The following CROCC variants were observed in gnomAD, a reference collection of about 807,000 sequenced individuals.
CROCC encodes the protein rootletin.
CROCC carries 180 observed loss-of-function variants against 245.2 expected under a neutral mutation model. The observed-to-expected ratio is 0.73, with a 90% CI of 0.65 to 0.83. The LOEUF is 0.83. Among genes scored for constraint, CROCC ranks in the 40% least tolerant of loss-of-function variants. The pLI is 0.00. For missense variants in CROCC, 2,688 were observed against 2,779.4 expected, an observed-to-expected ratio of 0.97 and a Z score of 0.74; for synonymous variants, 1,205 against 1,241.6, an observed-to-expected ratio of 0.97 and a Z score of 0.62.
intron 8 of CROCC, 26 bp from the exon 9 acceptor site, chr1:16,936,611 T>A (rs1257391882): frequency 1.9e-6 from 3 of 1,553,538 alleles, no homozygotes; most frequent in Non-Finnish European, 1.7e-6. Context: ...GCCCCATCCA[T>A]CCCCAGCCTG....
At chr1:16,950,454 G>C (rs1222927182) in intron 19 of CROCC, among the ~76,000 whole-genome samples, 2 of 147,072 alleles carry the variant, frequency 1.4e-5, no homozygotes, top group African/African-American at 5.1e-5. Flanking sequence ...TGCCTCTTGG[G>C]TTCAAGCGAT....
intron 13 of CROCC, among the ~76,000 whole-genome samples, chr1:16,942,857 G>A (rs1466768413): frequency 1.3e-5 from 2 of 152,294 alleles, no homozygotes; most frequent in African/African-American, 4.8e-5. Flanking sequence ...TGTAATCCCA[G>A]TATTTTGGGA....
rs746740470 is a variant in CROCC, at chr1:16,924,421, C to T, written c.293C>T (p.Ala98Val). 2.5e-6 allele frequency: 4 copies of T among 1,613,338 alleles called. No homozygotes were observed. In the East Asian group the frequency reaches 8.9e-5, roughly 36 times the overall value. ...CTGTCCCGCGTGGAGGACCTGCTGG[C>T]CCAGAGCCGTGCCGAGCGCGATGAG... Reference protein sequence around the residue: ...QELSRVEDLLAQSRAERDELA... With the variant: ...QELSRVEDLLVQSRAERDELA... Residue 98 changes from alanine to valine, a missense_variant, in exon 3 of 37, where the codon GCC (alanine) becomes GTC (valine). Physicochemically the swap from Ala to Val is moderately conservative, Grantham distance 64. This residue lies in a region of CROCC where 972 missense variants were observed against 895.3 expected (regional missense o/e 1.09). Coordinates refer to ENST00000375541, the MANE Select transcript of CROCC (RefSeq NM_014675.5).
At chr1:16,917,503 G>T (rs1284485037), upstream of CROCC, among the ~76,000 whole-genome samples, 1 of 151,486 alleles carries the variant, frequency 6.6e-6, no homozygotes, top group Non-Finnish European at 1.5e-5. Context: ...TGGTAGTGGG[G>T]AGGGAAGGGT....
At chr1:16,918,300 C>CTTTTTTTTTTTT (rs201445636), upstream of CROCC, among the ~76,000 whole-genome samples, 4 of 123,866 alleles carry the variant, frequency 3.2e-5, 1 homozygote, top group Non-Finnish European at 3.4e-5. Context: ...GGAATTCAGT[C>CTTTTTTTTTTTT]TTTTTTTTTT....
chr1:16,923,231 A>G (rs566445361), intron 2 of CROCC, among the ~76,000 whole-genome samples: 35 of 152,368 alleles, frequency 2.3e-4, no homozygotes, highest in Non-Finnish European at 4.9e-4. Context: ...TGCTCCTCTC[A>G]GTGGGTGGCG....
intron 8 of CROCC, among the ~76,000 whole-genome samples, chr1:16,931,955 C>T (rs1252523373): frequency 4.0e-5 from 6 of 151,246 alleles, no homozygotes; most frequent in Non-Finnish European, 7.4e-5. Context: ...TTAGTAGAGA[C>T]GGGGTTTCAC....
intron 17 of CROCC, 74 bp downstream of exon 17, chr1:16,947,065 G>C: frequency 7.4e-7 from 1 of 1,346,712 alleles, no homozygotes; most frequent in Non-Finnish European, 1.0e-6. Flanking sequence ...CCTGCATCCA[G>C]TCCTGGGTTA....
chr1:16,935,598 G>C (rs746717921), intron 8 of CROCC, among the ~76,000 whole-genome samples: 1 of 152,260 alleles, frequency 6.6e-6, no homozygotes, highest in Non-Finnish European at 1.5e-5. Flanking sequence ...TTTTGTTTTT[G>C]TATTCTTAAT....
intron 24 of CROCC, 77 bp downstream of exon 24, chr1:16,955,627 C>G: frequency 7.9e-7 from 1 of 1,265,542 alleles, no homozygotes; most frequent in Non-Finnish European, 1.1e-6. Context: ...CCCCAACGTT[C>G]TGGGGAAATT....
intron 26 of CROCC, among the ~76,000 whole-genome samples, chr1:16,959,875 T>C (rs959293244): frequency 6.6e-6 from 1 of 151,800 alleles, no homozygotes; most frequent in Non-Finnish European, 1.5e-5. Flanking sequence ...CCCCGTGTGG[T>C]ATGCCTCCCC....
chr1:16,947,781 G>A (rs577973020), intron 17 of CROCC, among the ~76,000 whole-genome samples: 20 of 152,330 alleles, frequency 1.3e-4, no homozygotes, highest in African/African-American at 4.6e-4. Context: ...CAAGGGTTCT[G>A]TTACTCCCAG....
chr1:16,931,593 G>A (rs1290181489), intron 8 of CROCC, among the ~76,000 whole-genome samples, 196 bp downstream of exon 8: 1 of 152,274 alleles, frequency 6.6e-6, no homozygotes, highest in Non-Finnish European at 1.5e-5. Context: ...TCTGGGCTAG[G>A]CTCATTGTAT....
upstream of CROCC, among the ~76,000 whole-genome samples, chr1:16,918,696 G>T (rs1373084211): frequency 2.6e-5 from 4 of 151,912 alleles, no homozygotes; most frequent in Non-Finnish European, 5.9e-5. Flanking sequence ...CGTCCCTGGG[G>T]TTTGTAGTGG....
intron 36 of CROCC, 49 bp from the exon 37 acceptor site, chr1:16,972,311 G>A: frequency 6.7e-7 from 1 of 1,496,790 alleles, no homozygotes; most frequent in Non-Finnish European, 9.3e-7. Flanking sequence ...CCCTTTCTCT[G>A]AAGCCAGGCT....
intron 13 of CROCC, among the ~76,000 whole-genome samples, chr1:16,942,054 A>T (rs1252380476): frequency 6.6e-6 from 1 of 152,212 alleles, no homozygotes. Context: ...TATGTCACCC[A>T]GTCTGGAGTG....
At chr1:16,925,428 A>C (rs1343927782) in intron 3 of CROCC, among the ~76,000 whole-genome samples, 13 of 152,290 alleles carry the variant, frequency 8.5e-5, no homozygotes, top group African/African-American at 2.9e-4. Flanking sequence ...GTTAGACACC[A>C]GGTCTTCCAA....
At position 16,938,396 on chromosome 1, in the gene CROCC, C is replaced by G; in HGVS notation, c.1291-4C>G. 1 of 1,560,226 alleles carries G rather than the reference C, an allele frequency of 6.4e-7. No individual in the cohort carries two copies. The highest frequency in any genetic ancestry group is 8.7e-7 in the Non-Finnish European group (1 of 1,152,712). ...CACCCTTTGTCTCCCTAACCGCACTCCAGGAATCCCTGCGGCTACAGGAGC... is the reference window on the plus strand; with the variant it reads ...CACCCTTTGTCTCCCTAACCGCACTGCAGGAATCCCTGCGGCTACAGGAGC... On this transcript the variant is annotated splice_region_variant and splice_polypyrimidine_tract_variant and intron_variant, in intron 10 of 36. Transcript: ENST00000375541.
At chr1:16,960,664 C>T in intron 26 of CROCC, 94 bp from the exon 27 acceptor site, 8 of 1,345,858 alleles carry the variant, frequency 5.9e-6, no homozygotes, top group Non-Finnish European at 7.6e-6. Context: ...ACTGACCACA[C>T]AGTCAGGGAT....
Sources: gnomAD v4.1 joint callset for allele counts (sites outside exome capture counted in the v4.1 genomes callset) on GRCh38, gnomAD v4.1.1 for gene constraint, gnomAD v4.1.1 regional missense constraint, MANE v1.5 for transcripts, NCBI Gene and HGNC (gene_info 2026-07-23, HGNC 2026-07-21) for gene names.